Variants in ADCY8 observed in about 807,000 individuals in gnomAD.
ADCY8 encodes the protein adenylate cyclase type 8.
In ADCY8, 51 loss-of-function variants were observed where a neutral mutation model predicts 119.7. The observed-to-expected ratio is 0.43, with a 90% CI of 0.34 to 0.54. The LOEUF (loss-of-function observed/expected upper bound fraction) is 0.54. Among genes scored for constraint, ADCY8 ranks in the 20% least tolerant of loss-of-function variants. The pLI is 0.03. For synonymous variants in ADCY8, 665 were observed against 651.0 expected, an observed-to-expected ratio of 1.02 and a Z score of -0.33; for missense variants, 1,383 against 1,598.8, an observed-to-expected ratio of 0.87 and a Z score of 2.30.
At chr8:130,823,192 T>C (rs575795354) in intron 12 of ADCY8, among the ~76,000 whole-genome samples, 1 of 152,276 alleles carries the variant, frequency 6.6e-6, no homozygotes, top group Admixed American at 6.5e-5. Flanking sequence ...AAAGCAGTGA[T>C]TGACCAAAAA....
At chr8:130,812,154 C>T (rs986380867) in intron 14 of ADCY8, among the ~76,000 whole-genome samples, 4 of 152,178 alleles carry the variant, frequency 2.6e-5, no homozygotes, top group African/African-American at 9.7e-5. Flanking sequence ...AGTCTCCTGC[C>T]TGGCTTTGTG....
Position 130,909,900 on chromosome 8 carries a change from T to C in ADCY8, c.1482-34A>G, listed in dbSNP as rs371236791. 2.5e-6 allele frequency: 4 copies of C among 1,606,788 alleles called. No homozygotes were observed. In the African/African-American group the frequency reaches 5.4e-5, roughly 22 times the overall value. On this transcript the variant is annotated intron_variant, in intron 5 of 17. Transcript: ENST00000286355. ...ATAGGTAAATGGAGAGACACATGTA[T>C]AAGACCAGAGTGGGCATCGTTGGCT...
intron 2 of ADCY8, among the ~76,000 whole-genome samples, chr8:130,953,214 T>C (rs1187081000): frequency 2.0e-5 from 3 of 152,174 alleles, no homozygotes; most frequent in South Asian, 2.1e-4. Flanking sequence ...TAATAGGTCA[T>C]GTGGAATTAT....
At chr8:130,952,619 T>A (rs536641905) in intron 2 of ADCY8, among the ~76,000 whole-genome samples, 1 of 152,164 alleles carries the variant, frequency 6.6e-6, no homozygotes, top group East Asian at 1.9e-4. Context: ...TGAAAGCCAC[T>A]AAATGGTACT....
intron 5 of ADCY8, among the ~76,000 whole-genome samples, chr8:130,926,390 G>A (rs1173561503): frequency 6.6e-6 from 1 of 151,686 alleles, no homozygotes; most frequent in Non-Finnish European, 1.5e-5. Context: ...CAGGGAAAAA[G>A]GTTTCCCTCA....
intron 2 of ADCY8, among the ~76,000 whole-genome samples, chr8:130,963,109 C>CT (rs1821655831): frequency 7.0e-6 from 1 of 142,184 alleles, no homozygotes; most frequent in Non-Finnish European, 1.5e-5. Flanking sequence ...CCGTGTTTTT[C>CT]TTTCTTTTTT....
intron 11 of ADCY8, among the ~76,000 whole-genome samples, chr8:130,845,239 A>G (rs1279150233): frequency 6.6e-6 from 1 of 152,116 alleles, no homozygotes; most frequent in Non-Finnish European, 1.5e-5. Flanking sequence ...TTGGGGGTTC[A>G]GGTGTTAGGT....
chr8:130,822,216 G>T (rs907524326), intron 12 of ADCY8, among the ~76,000 whole-genome samples: 1 of 152,184 alleles, frequency 6.6e-6, no homozygotes, highest in African/African-American at 2.4e-5. Context: ...CCCAGGCTGG[G>T]TGTTCAGGGA....
At chr8:130,938,819 C>A (rs1270548598) in intron 4 of ADCY8, among the ~76,000 whole-genome samples, 2 of 152,178 alleles carry the variant, frequency 1.3e-5, no homozygotes, top group Non-Finnish European at 2.9e-5. Context: ...GCATGTACAG[C>A]CATCCCAGGA....
At chr8:130,871,995 T>C (rs1818378622) in intron 8 of ADCY8, among the ~76,000 whole-genome samples, 1 of 152,094 alleles carries the variant, frequency 6.6e-6, no homozygotes, top group African/African-American at 2.4e-5. Context: ...TATAGATATA[T>C]ATTTTTTTCA....
intron 2 of ADCY8, among the ~76,000 whole-genome samples, chr8:130,966,941 A>G (rs377584018): frequency 3.9e-5 from 6 of 152,190 alleles, no homozygotes; most frequent in Non-Finnish European, 8.8e-5. Context: ...CTTTAATTGT[A>G]TATTGGTGCT....
At chr8:130,884,000 T>TA (rs1283568114) in intron 8 of ADCY8, among the ~76,000 whole-genome samples, 1 of 151,878 alleles carries the variant, frequency 6.6e-6, no homozygotes, top group Non-Finnish European at 1.5e-5. Flanking sequence ...TAAGTTCACA[T>TA]AGCAAGAAAG....
At chr8:130,981,753 A>G (rs1017924335) in intron 2 of ADCY8, among the ~76,000 whole-genome samples, 1 of 152,234 alleles carries the variant, frequency 6.6e-6, no homozygotes, top group Non-Finnish European at 1.5e-5. Context: ...ACAAATAACA[A>G]GAAGAAAAAC....
intron 1 of ADCY8, among the ~76,000 whole-genome samples, chr8:131,030,338 A>C (rs143472224): frequency 2.4e-4 from 36 of 152,306 alleles, no homozygotes; most frequent in Middle Eastern, 3.4e-3. Context: ...GACTTGGCCC[A>C]TCCCAGGGTC....
chr8:130,996,105 A>G (rs1306455715), intron 1 of ADCY8, among the ~76,000 whole-genome samples: 1 of 152,140 alleles, frequency 6.6e-6, no homozygotes, highest in Non-Finnish European at 1.5e-5. Flanking sequence ...ATAAAACACC[A>G]AAACTATTCT....
chr8:130,930,799 A>G (rs931310125), intron 5 of ADCY8, among the ~76,000 whole-genome samples: 2 of 152,086 alleles, frequency 1.3e-5, no homozygotes, highest in African/African-American at 4.8e-5. Flanking sequence ...CATTTGTAGT[A>G]GTTTTGTTTT....
chr8:130,869,610 C>T (rs1442164369), intron 8 of ADCY8, among the ~76,000 whole-genome samples: 1 of 150,140 alleles, frequency 6.7e-6, no homozygotes, highest in Non-Finnish European at 1.5e-5. Context: ...CTCTGCCTCC[C>T]AGGTTCACTC....
chr8:130,926,960 T>TATATATATATATATATATATATATAC, intron 5 of ADCY8, among the ~76,000 whole-genome samples: 1 of 144,128 alleles, frequency 6.9e-6, no homozygotes, highest in African/African-American at 2.6e-5. Flanking sequence ...TATATATATA[T>TATATATATATATATATATATATATAC]ACACACACCA....
rs1586635449 is a variant in ADCY8 at position 130,990,483 on chromosome 8, G to A, written c.1020C>T (p.Tyr340=). 1 of 1,614,198 alleles carries A rather than the reference G, an allele frequency of 6.2e-7. No homozygotes were observed. The highest frequency in any genetic ancestry group is 1.7e-4 in the Middle Eastern group (1 of 6,050). Residue 340 remains tyrosine, a synonymous_variant, in exon 2 of 18, where the codon TAC becomes TAT. Coordinates refer to ENST00000286355, the MANE Select transcript of ADCY8 (RefSeq NM_001115.3). The stretch of plus-strand genomic sequence containing the variant: ...CTTGGCGCTGGGCCCGGTCTGACAG[G>A]TAACTGATGAAGATTCCAGCTGTGT... ...CMNTAGIFIS[Y]LSDRAQRQAF... is the part of the protein sequence containing the mutation.
Sources: allele counts gnomAD v4.1 joint callset (sites outside exome capture counted in the v4.1 genomes callset), GRCh38; gene constraint gnomAD v4.1.1; transcripts MANE v1.5; gene names NCBI Gene and HGNC (gene_info 2026-07-23, HGNC 2026-07-21).